HIBCH: variants seen among roughly 807,000 people sequenced by gnomAD.
The protein encoded by HIBCH is 3-hydroxyisobutyryl-CoA hydrolase.
HIBCH carries 50 observed loss-of-function variants against 58.2 expected under a neutral mutation model. The observed-to-expected ratio is 0.86, with a 90% CI of 0.68 to 1.09. The LOEUF (loss-of-function observed/expected upper bound fraction) is 1.09. Among genes scored for constraint, HIBCH ranks in the 50% least tolerant of loss-of-function variants. The probability of loss-of-function intolerance (pLI) is 0.00; values close to 1 mark genes in which losing one functional copy is unlikely to be tolerated. For missense variants in HIBCH, 450 were observed against 449.7 expected (o/e 1.00, Z -0.01); for synonymous variants, 151 against 146.9 (o/e 1.03, Z -0.20).
intron 1 of HIBCH, among the ~76,000 whole-genome samples, chr2:190,192,989 G>A (rs778250974): frequency 1.3e-4 from 19 of 151,762 alleles, no homozygotes; most frequent in Admixed American, 3.3e-4. Context: ...CAATCTTTAT[G>A]CTTTGTATGT....
Position 190,290,399 on chromosome 2 carries a change from A to G in HIBCH, c.385+6T>C, listed in dbSNP as rs766526387. 9 of 1,580,076 alleles carry G rather than the reference A, an allele frequency of 5.7e-6. No individual in the cohort carries two copies. Among genetic ancestry groups the G allele is most frequent in the Non-Finnish European group, 7.8e-6 (9 of 1,149,198 alleles). ...ATTTCCAAAGCTCTGAGCAGAATAC[A>G]CATACCAACAGCATTATTCAGCATA... On this transcript the variant is annotated splice_donor_region_variant and intron_variant, in intron 5 of 13. Coordinates refer to ENST00000359678, the MANE Select transcript of HIBCH (RefSeq NM_014362.4).
At chr2:190,311,654 T>A (rs1301079066) in intron 1 of HIBCH, among the ~76,000 whole-genome samples, 1 of 152,194 alleles carries the variant, frequency 6.6e-6, no homozygotes, top group East Asian at 1.9e-4. Flanking sequence ...AAAGTCTGAT[T>A]GATAAATATG....
intron 9 of HIBCH, among the ~76,000 whole-genome samples, chr2:190,248,818 G>A (rs927402760): frequency 6.0e-5 from 9 of 150,038 alleles, no homozygotes; most frequent in South Asian, 2.1e-4. Context: ...CCAAGATTGC[G>A]CCACCGCCCT....
chr2:190,255,824 G>T (rs1686902741), intron 7 of HIBCH, among the ~76,000 whole-genome samples: 2 of 150,356 alleles, frequency 1.3e-5, no homozygotes, highest in Non-Finnish European at 2.9e-5. Flanking sequence ...CTTAGCTTAG[G>T]AATGGAGAGA....
chr2:190,317,223 G>A (rs1026231451), intron 1 of HIBCH, among the ~76,000 whole-genome samples: 5 of 152,272 alleles, frequency 3.3e-5, no homozygotes, highest in Admixed American at 2.0e-4. Flanking sequence ...CTCTGATGAG[G>A]CTTCCTGACT....
Position 190,222,944 on chromosome 2 carries a change from A to G in HIBCH, c.892-9869T>C, listed in dbSNP as rs144508116. ...CACCATGGAATACTATGCAGCCATAAAAAAGGATAAGTTCATGTCTTTTGC... is the reference window on the plus strand; with the variant it reads ...CACCATGGAATACTATGCAGCCATAGAAAAGGATAAGTTCATGTCTTTTGC... On this transcript the variant is annotated intron_variant, in intron 11 of 13. Transcript: ENST00000359678. Among the ~76,000 whole-genome samples, 884 of 152,354 alleles carry G rather than the reference A, an allele frequency of 5.8e-3. 10 individuals are homozygous for G. The highest frequency in any genetic ancestry group is 0.02 in the African/African-American group (850 of 41,584).
At chr2:190,220,706 CT>C (rs1289414835) in intron 11 of HIBCH, among the ~76,000 whole-genome samples, 4 of 151,636 alleles carry the variant, frequency 2.6e-5, no homozygotes, top group Non-Finnish European at 5.9e-5. Flanking sequence ...GCAGAAGACA[CT>C]GAGTCCATTT....
At chr2:190,223,768 C>T (rs955644012) in intron 11 of HIBCH, among the ~76,000 whole-genome samples, 7 of 152,160 alleles carry the variant, frequency 4.6e-5, no homozygotes, top group Non-Finnish European at 1.0e-4. Context: ...ATGTAATATA[C>T]CTTCAATTGT....
intron 6 of HIBCH, among the ~76,000 whole-genome samples, chr2:190,267,962 C>T (rs1687288727): frequency 6.6e-6 from 1 of 152,130 alleles, no homozygotes; most frequent in South Asian, 2.1e-4. Context: ...AGCCTGAACA[C>T]CTACCAGAAA....
rs574693414 is a variant in HIBCH at position 190,254,099 on chromosome 2, A to C, written c.518-1792T>G. Among the ~76,000 whole-genome samples the C allele has an allele frequency of 6.6e-6, 1 of 152,178 alleles. No homozygotes were observed. The highest frequency in any genetic ancestry group is 1.9e-4 in the East Asian group (1 of 5,174). Reference sequence around the variant, plus strand: ...TCCTTAACTCCTATGACTTTAAATAATATCTATATGCTGATTACTCCCTGC... The same window carrying C: ...TCCTTAACTCCTATGACTTTAAATACTATCTATATGCTGATTACTCCCTGC... On this transcript the variant is annotated intron_variant, in intron 7 of 13. Transcript: ENST00000359678. This position sits in a 1 kb window ranked among gnomAD's most constrained non-coding sequence, Gnocchi z 5.0.
chr2:190,228,168 T>C (rs1295192543), intron 11 of HIBCH, among the ~76,000 whole-genome samples: 1 of 151,926 alleles, frequency 6.6e-6, no homozygotes, highest in Non-Finnish European at 1.5e-5. Flanking sequence ...CCAACAATGA[T>C]AGACTGGATT....
chr2:190,257,850 C>A (rs1344497071), intron 7 of HIBCH, among the ~76,000 whole-genome samples: 1 of 152,074 alleles, frequency 6.6e-6, no homozygotes. Context: ...TGGAAGAGCC[C>A]CCATGAACCA....
At chr2:190,294,982 A>T (rs1688066863) in intron 3 of HIBCH, among the ~76,000 whole-genome samples, 1 of 152,232 alleles carries the variant, frequency 6.6e-6, no homozygotes, top group Non-Finnish European at 1.5e-5. Flanking sequence ...ATAAATTTGG[A>T]GAACAAATCA....
At position 190,225,724 on chromosome 2, in the gene HIBCH, G is replaced by A. The variant is rs529983866; in HGVS notation, c.892-12649C>T. 3.6e-4 allele frequency among the ~76,000 whole-genome samples: 55 copies of A among 152,174 alleles called. 1 individual carries two copies. The highest frequency in any genetic ancestry group is 1.1e-3 in the African/African-American group (46 of 41,520). On this transcript the variant is annotated intron_variant, in intron 11 of 13. Coordinates refer to ENST00000359678, the MANE Select transcript of HIBCH (RefSeq NM_014362.4). The stretch of plus-strand genomic sequence containing the variant: ...GAGCTGGTACCATTCCTTCTGAAAC[G>A]ATTCCAATCAACAGAAAAAGAGGGA...
intron 8 of HIBCH, among the ~76,000 whole-genome samples, chr2:190,249,927 G>A (rs999384632): frequency 2.6e-5 from 4 of 152,158 alleles, no homozygotes; most frequent in Non-Finnish European, 5.9e-5. Context: ...CAAAGGAATG[G>A]ATAAAGATGG....
chr2:190,319,609 A>G, intron 1 of HIBCH, 107 bp downstream of exon 1: 2 of 961,102 alleles, frequency 2.1e-6, no homozygotes, highest in South Asian at 1.4e-5. Flanking sequence ...GGCGCCTCTG[A>G]GCGCGACTCG....
chr2:190,262,804 G>T (rs775991622), intron 6 of HIBCH, among the ~76,000 whole-genome samples: 2 of 152,068 alleles, frequency 1.3e-5, no homozygotes, highest in African/African-American at 2.4e-5. Context: ...TTTTAGCATT[G>T]GCTGATAATA....
intron 3 of HIBCH, 99 bp from the exon 4 acceptor site, chr2:190,294,729 C>A: frequency 1.3e-6 from 1 of 791,650 alleles, no homozygotes; most frequent in Non-Finnish European, 2.2e-6. Flanking sequence ...TATTCATATA[C>A]ATATGTGTTT....
At chr2:190,219,576 T>C (rs146517721) in intron 11 of HIBCH, among the ~76,000 whole-genome samples, 8 of 152,332 alleles carry the variant, frequency 5.3e-5, no homozygotes, top group East Asian at 1.9e-4. Context: ...AGTCAAATAC[T>C]TGAAGAGCCC....
Sources: allele counts gnomAD v4.1 joint callset (sites outside exome capture counted in the v4.1 genomes callset), GRCh38; gene constraint gnomAD v4.1.1; non-coding constraint Gnocchi (gnomAD v3.1); transcripts MANE v1.5; gene names NCBI Gene and HGNC (gene_info 2026-07-23, HGNC 2026-07-21).